IFT43: variants seen among roughly 807,000 people sequenced by gnomAD.
The protein encoded by IFT43 is intraflagellar transport protein 43 homolog.
IFT43 carries 33 observed loss-of-function variants against 32.3 expected under a neutral mutation model. That is an observed-to-expected ratio of 1.02 (90% CI 0.77 to 1.37). IFT43 has a LOEUF of 1.37. IFT43 is among the 40% of genes most tolerant of loss of function. The pLI is 0.00. For synonymous variants in IFT43, 93 were observed against 98.2 expected (o/e 0.95, Z 0.31); for missense variants, 274 against 265.9 (o/e 1.03, Z -0.21).
chr14:76,032,495 TCTGTGGTCCCCATTGC>T (rs1321107587), intron 3 of IFT43, among the ~76,000 whole-genome samples: 1 of 152,178 alleles, frequency 6.6e-6, no homozygotes, highest in Non-Finnish European at 1.5e-5. Flanking sequence ...CCCTCATCGC[TCTGTGGTCCCCATTGC>T]CTGCTTTATT....
intron 5 of IFT43, among the ~76,000 whole-genome samples, chr14:76,064,505 T>C (rs957311565): frequency 6.6e-6 from 1 of 152,200 alleles, no homozygotes; most frequent in Non-Finnish European, 1.5e-5. Context: ...ATGGAAATTG[T>C]AATGCTAGAG....
intron 2 of IFT43, among the ~76,000 whole-genome samples, chr14:76,002,380 A>G (rs907912815): frequency 5.3e-5 from 8 of 151,872 alleles, no homozygotes; most frequent in Admixed American, 2.6e-4. Context: ...GGGGGGTGGC[A>G]TGATGTCATC....
Position 76,027,673 on chromosome 14 carries a change from C to T in IFT43, c.215+5279C>T, listed in dbSNP as rs944300134. Among the ~76,000 whole-genome samples the T allele has an allele frequency of 2.3e-4, 34 of 147,294 alleles. 1 individual carries two copies. The highest frequency in any genetic ancestry group is 6.5e-4 in the South Asian group (3 of 4,630). ...GCAGTGAGCCGAGATTGTGCCACTG[C>T]GCTCCAGCCTGGGCAACAGAGTGAG... On this transcript the variant is annotated intron_variant, in intron 3 of 8. Transcript: ENST00000314067.
intron 3 of IFT43, among the ~76,000 whole-genome samples, chr14:76,035,576 T>A (rs978581169): frequency 2.6e-5 from 4 of 152,208 alleles, no homozygotes; most frequent in African/African-American, 9.7e-5. Flanking sequence ...AGTAGTTGAT[T>A]CCTATTAGGC....
In IFT43 at chr14:76,059,544, T is replaced by A; in HGVS notation, c.295+171T>A. 3 of 676,532 alleles carry A rather than the reference T, an allele frequency of 4.4e-6. No individual in the cohort carries two copies. The East Asian group carries it at 8.4e-5, about 19-fold the overall frequency. The allele number at this position is 676,532 out of a possible 1,614,324, so 41.9% of individuals were successfully genotyped here. A position where few individuals can be genotyped will look rare whatever the true frequency, so the allele number is the denominator to read the frequency against. Reference sequence around the variant, plus strand: ...CTTGCTGAATGCTGCCACCTCTACCTGGAGTATCTCTCCCTTCTTTATCTG... The same window carrying A: ...CTTGCTGAATGCTGCCACCTCTACCAGGAGTATCTCTCCCTTCTTTATCTG... On this transcript the variant is annotated intron_variant, in intron 5 of 8. Coordinates refer to ENST00000314067, the MANE Select transcript of IFT43 (RefSeq NM_001102564.3).
chr14:76,030,316 T>C (rs914821495), intron 3 of IFT43, among the ~76,000 whole-genome samples: 1 of 152,196 alleles, frequency 6.6e-6, no homozygotes, highest in Non-Finnish European at 1.5e-5. Flanking sequence ...ATGGCTCTTA[T>C]GCTTTTGTGC....
Position 76,059,349 on chromosome 14 carries a change from C to G in IFT43, c.271C>G (p.Leu91Val), listed in dbSNP as rs539781912. The G allele has an allele frequency of 2.9e-4, 462 of 1,614,102 alleles. 6 individuals are homozygous for G. The South Asian group carries it at 4.7e-3, about 16-fold the overall frequency. ...IEDFRLRPQS[L>V]NGSDYGGDIP... ...CAGTTTCCGCCTCAGACCACAGAGC[C>G]TGAATGGATCAGATTATGGAGGAGG... Residue 91 changes from leucine (L) to valine (V), a missense_variant, in exon 5 of 9, where the codon CTG (leucine) becomes GTG (valine). Coordinates refer to ENST00000314067, the MANE Select transcript of IFT43 (RefSeq NM_001102564.3).
chr14:76,016,214 T>C (rs2139938873), intron 2 of IFT43, among the ~76,000 whole-genome samples: 1 of 152,316 alleles, frequency 6.6e-6, no homozygotes, highest in Non-Finnish European at 1.5e-5. Context: ...CTTTAATCCA[T>C]TTTGATTTGA....
intron 2 of IFT43, among the ~76,000 whole-genome samples, chr14:76,008,700 T>C (rs932175007): frequency 3.3e-5 from 5 of 152,208 alleles, no homozygotes; most frequent in Non-Finnish European, 7.3e-5. Flanking sequence ...AGTCCCTCCT[T>C]CTTCAAAGCT....
Position 76,010,264 on chromosome 14 carries a change from G to A in IFT43, c.148-12063G>A, listed in dbSNP as rs544786070. Among the ~76,000 whole-genome samples, 4 of 152,294 alleles carry A rather than the reference G, an allele frequency of 2.6e-5. No individual in the cohort carries two copies. The South Asian group carries it at 8.3e-4, about 32-fold the overall frequency. ...TGAGACCCCGTGTTTTGGGTGTAGA[G>A]TAGTTTTCTGGTCCCCAGCATATTA... On this transcript the variant is annotated intron_variant, in intron 2 of 8. Transcript: ENST00000314067.
chr14:76,034,391 G>C (rs2036562014), intron 3 of IFT43, among the ~76,000 whole-genome samples: 1 of 152,078 alleles, frequency 6.6e-6, no homozygotes, highest in African/African-American at 2.4e-5. Context: ...AACCTAATCA[G>C]CTCTGAAAGT....
chr14:76,027,898 G>A (rs1594827714), intron 3 of IFT43, among the ~76,000 whole-genome samples: 1 of 151,738 alleles, frequency 6.6e-6, no homozygotes, highest in South Asian at 2.1e-4. Flanking sequence ...ATTGTGTTTC[G>A]TAGTTGTCTT....
chr14:76,055,568 G>A (rs1329125603), intron 3 of IFT43, among the ~76,000 whole-genome samples: 1 of 152,128 alleles, frequency 6.6e-6, no homozygotes, highest in African/African-American at 2.4e-5. Flanking sequence ...TCACTCGTGG[G>A]TCATGACCTG....
chr14:76,029,590 C>T (rs1396182692), intron 3 of IFT43, among the ~76,000 whole-genome samples: 2 of 151,978 alleles, frequency 1.3e-5, no homozygotes, highest in African/African-American at 2.4e-5. Flanking sequence ...TTTTATAGTT[C>T]GAGATCTTAC....
intron 5 of IFT43, among the ~76,000 whole-genome samples, chr14:76,061,430 C>T (rs754656701): frequency 2.0e-5 from 3 of 152,074 alleles, no homozygotes; most frequent in Non-Finnish European, 4.4e-5. Context: ...ATTTTTCTTC[C>T]CTCCCACTCC....
intron 3 of IFT43, among the ~76,000 whole-genome samples, chr14:76,028,403 T>C (rs149960848): frequency 0.01 from 1,525 of 152,298 alleles, 26 homozygotes; most frequent in African/African-American, 0.034. Flanking sequence ...AAGAATTTAC[T>C]CTCTCTCCTT....
chr14:76,040,976 A>C (rs572633194), intron 3 of IFT43, among the ~76,000 whole-genome samples: 7 of 152,354 alleles, frequency 4.6e-5, no homozygotes, highest in African/African-American at 1.7e-4. Context: ...CCAAGTCAGC[A>C]GAACTGTTTC....
chr14:76,006,613 C>T (rs1032649597), intron 2 of IFT43, among the ~76,000 whole-genome samples: 1 of 151,984 alleles, frequency 6.6e-6, no homozygotes, highest in African/African-American at 2.4e-5. Flanking sequence ...CATTTCTTAT[C>T]CCGGTTTGTG....
intron 5 of IFT43, chr14:76,076,578 A>G (rs1332970956): frequency 6.2e-7 from 1 of 1,613,984 alleles, no homozygotes; most frequent in Non-Finnish European, 8.5e-7. Flanking sequence ...CCAATCTAAG[A>G]AGTCACTTTC....
Sources: allele counts gnomAD v4.1 joint callset (sites outside exome capture counted in the v4.1 genomes callset), GRCh38; gene constraint gnomAD v4.1.1; transcripts MANE v1.5; gene names NCBI Gene and HGNC (gene_info 2026-07-23, HGNC 2026-07-21).